The following LRMDA variants were observed in gnomAD, a reference collection of about 807,000 sequenced individuals.
The protein encoded by LRMDA is leucine-rich melanocyte differentiation-associated protein.
In LRMDA, 18 loss-of-function variants were observed where a neutral mutation model predicts 29.8. That is an observed-to-expected ratio of 0.60 (90% CI 0.42 to 0.90). The LOEUF (loss-of-function observed/expected upper bound fraction) is 0.90. Among genes scored for constraint, LRMDA ranks in the 40% least tolerant of loss-of-function variants. The probability of loss-of-function intolerance (pLI) is 0.00; values close to 1 mark genes in which losing one functional copy is unlikely to be tolerated. For missense variants in LRMDA, 273 were observed against 273.9 expected, an observed-to-expected ratio of 1.00 and a Z score of 0.02; for synonymous variants, 125 against 109.4, an observed-to-expected ratio of 1.14 and a Z score of -0.89.
chr10:75,988,561 G>T lies in LRMDA; in HGVS notation c.132-47447G>T, dbSNP rs370141991. Among the ~76,000 whole-genome samples, 6 of 148,744 alleles carry T rather than the reference G, an allele frequency of 4.0e-5. No homozygotes were observed. In the South Asian group the frequency reaches 1.3e-3, roughly 32 times the overall value. On this transcript the variant is annotated intron_variant, in intron 2 of 6. Transcript: ENST00000611255. ...TTTTCATTTCTCCCTTTCCCACCAAGATTCACGCAGACCGGAACAGAGTCT... is the reference window on the plus strand; with the variant it reads ...TTTTCATTTCTCCCTTTCCCACCAATATTCACGCAGACCGGAACAGAGTCT...
chr10:75,456,177 G>A (rs1434643813), intron 2 of LRMDA, among the ~76,000 whole-genome samples: 2 of 152,180 alleles, frequency 1.3e-5, no homozygotes, highest in East Asian at 1.9e-4. Flanking sequence ...CACCTCCAGC[G>A]GGTGGAGGGC....
chr10:76,399,122 T>C (rs979452606), intron 6 of LRMDA, among the ~76,000 whole-genome samples: 8 of 152,206 alleles, frequency 5.3e-5, no homozygotes, highest in Admixed American at 2.0e-4. Context: ...AGTTTTCTCA[T>C]CTGCAAAATG....
At chr10:76,176,903 C>G (rs145917687) in intron 5 of LRMDA, among the ~76,000 whole-genome samples, 19 of 152,186 alleles carry the variant, frequency 1.2e-4, no homozygotes, top group African/African-American at 4.6e-4. Context: ...TGATAATTCA[C>G]GTAATACCTG....
chr10:75,434,278 A>C (rs1054614438), intron 1 of LRMDA, among the ~76,000 whole-genome samples: 69 of 152,184 alleles, frequency 4.5e-4, no homozygotes, highest in African/African-American at 1.4e-3. Flanking sequence ...TGCCAAGGAC[A>C]GTGTTGTGCA....
At chr10:75,860,645 C>G (rs1229658378) in intron 2 of LRMDA, among the ~76,000 whole-genome samples, 2 of 152,116 alleles carry the variant, frequency 1.3e-5, no homozygotes, top group Non-Finnish European at 2.9e-5. Context: ...CTAACTCATG[C>G]TTTGAAGCCC....
intron 6 of LRMDA, among the ~76,000 whole-genome samples, chr10:76,552,104 T>C (rs1026752290): frequency 2.6e-5 from 4 of 152,236 alleles, no homozygotes; most frequent in African/African-American, 9.6e-5. Flanking sequence ...AAACTAACAA[T>C]AGTGATAATT....
At chr10:75,654,263 T>C (rs1196533473) in intron 2 of LRMDA, among the ~76,000 whole-genome samples, 3 of 152,252 alleles carry the variant, frequency 2.0e-5, no homozygotes, top group African/African-American at 4.8e-5. Context: ...GGTGTCTTAA[T>C]GTCTCTGAGC....
chr10:75,490,623 A>G (rs1440408111), intron 2 of LRMDA, among the ~76,000 whole-genome samples: 6 of 152,212 alleles, frequency 3.9e-5, no homozygotes, highest in African/African-American at 1.4e-4. Flanking sequence ...TAGAGAGGAG[A>G]CTCAGGCCCT....
intron 6 of LRMDA, among the ~76,000 whole-genome samples, chr10:76,392,989 A>T (rs187483394): frequency 6.6e-6 from 1 of 152,158 alleles, no homozygotes; most frequent in Non-Finnish European, 1.5e-5. Context: ...CTCCAGGTTC[A>T]TCCATGTTGT....
intron 2 of LRMDA, among the ~76,000 whole-genome samples, chr10:75,999,115 C>A (rs1847519506): frequency 6.6e-6 from 1 of 152,216 alleles, no homozygotes; most frequent in African/African-American, 2.4e-5. Flanking sequence ...CGGGAAATAG[C>A]ATGTCACACA....
intron 5 of LRMDA, among the ~76,000 whole-genome samples, chr10:76,216,544 T>C (rs778598661): frequency 2.6e-4 from 39 of 152,218 alleles, no homozygotes; most frequent in Middle Eastern, 3.2e-3. Context: ...GAAATATTTA[T>C]AGCCAATTAA....
chr10:76,044,642 A>C (rs1196126561), intron 3 of LRMDA, among the ~76,000 whole-genome samples: 1 of 151,232 alleles, frequency 6.6e-6, no homozygotes, highest in African/African-American at 2.4e-5. Context: ...CTGGCCACCC[A>C]CCCCTCTGTA....
chr10:75,954,304 T>C (rs368066563), intron 2 of LRMDA, among the ~76,000 whole-genome samples: 33 of 152,278 alleles, frequency 2.2e-4, no homozygotes, highest in South Asian at 2.1e-3. Context: ...AGTCCTAGGA[T>C]TGGGGTTATG....
At chr10:75,993,742 A>AG (rs1212804103) in intron 2 of LRMDA, among the ~76,000 whole-genome samples, 1 of 151,958 alleles carries the variant, frequency 6.6e-6, no homozygotes, top group East Asian at 1.9e-4. Flanking sequence ...CAAAAAAAAA[A>AG]AAAGAAACCA....
chr10:75,964,973 C>T (rs1466663731), intron 2 of LRMDA, among the ~76,000 whole-genome samples: 4 of 152,064 alleles, frequency 2.6e-5, no homozygotes, highest in South Asian at 2.1e-4. Flanking sequence ...GCCATGTTGG[C>T]GAGGCTGGTC....
At chr10:75,653,323 C>G (rs1841622816) in intron 2 of LRMDA, among the ~76,000 whole-genome samples, 2 of 152,162 alleles carry the variant, frequency 1.3e-5, no homozygotes, top group Admixed American at 1.3e-4. Context: ...ATATAATGTG[C>G]TGCAGAAACT....
In LRMDA at chr10:76,121,943, C is replaced by G. The variant is rs114763670; in HGVS notation, c.516+63160C>G. On this transcript the variant is annotated intron_variant, in intron 5 of 6. Coordinates refer to ENST00000611255, the MANE Select transcript of LRMDA (RefSeq NM_001305581.2). ...GGTACTGTTCTAGGCACTGGAGATA[C>G]AGATAGACTGAGTTCCTGTCCGAGG... Among the ~76,000 whole-genome samples the G allele has an allele frequency of 1.6e-3, 236 of 152,170 alleles. 1 individual carries two copies. Among genetic ancestry groups the G allele is most frequent in the African/African-American group, 5.2e-3 (217 of 41,528 alleles).
At chr10:75,652,755 A>G (rs1307173876) in intron 2 of LRMDA, among the ~76,000 whole-genome samples, 1 of 152,156 alleles carries the variant, frequency 6.6e-6, no homozygotes, top group African/African-American at 2.4e-5. Context: ...CTATCTGTCC[A>G]GGAAGCATTC....
chr10:76,178,615 C>A (rs983871201), intron 5 of LRMDA, among the ~76,000 whole-genome samples: 1 of 152,192 alleles, frequency 6.6e-6, no homozygotes, highest in African/African-American at 2.4e-5. Flanking sequence ...ATAGGAGAAA[C>A]TTCCCTACTT....
Sources: gnomAD v4.1 joint callset for allele counts (sites outside exome capture counted in the v4.1 genomes callset) on GRCh38, gnomAD v4.1.1 for gene constraint, MANE v1.5 for transcripts, NCBI Gene and HGNC (gene_info 2026-07-23, HGNC 2026-07-21) for gene names.